CDH13: variants seen among roughly 807,000 people sequenced by gnomAD.
CDH13 encodes cadherin-13.
CDH13 carries 24 observed loss-of-function variants against 63.8 expected under a neutral mutation model. The observed-to-expected ratio is 0.38, with a 90% confidence interval of 0.27 to 0.53. CDH13 has a LOEUF of 0.53. Ranked by LOEUF, CDH13 falls within the 20% of genes least tolerant of loss-of-function variation. The pLI, the probability that CDH13 is intolerant of heterozygous loss-of-function variation, is 0.85. For synonymous variants in CDH13, 503 were observed against 355.3 expected, an observed-to-expected ratio of 1.42 and a Z score of -4.67; for missense variants, 1,049 against 903.1, an observed-to-expected ratio of 1.16 and a Z score of -2.07.
At chr16:83,443,346 G>A (rs979587887) in intron 6 of CDH13, among the ~76,000 whole-genome samples, 4 of 152,174 alleles carry the variant, frequency 2.6e-5, no homozygotes, top group Admixed American at 6.5e-5. Context: ...TAAGGAGTGA[G>A]CTTGGAGCAC....
intron 8 of CDH13, among the ~76,000 whole-genome samples, chr16:83,651,179 C>T (rs375775192): frequency 1.3e-5 from 2 of 152,212 alleles, no homozygotes; most frequent in East Asian, 1.9e-4. Flanking sequence ...GTTTAGATAA[C>T]AAGGGGACTT....
intron 7 of CDH13, among the ~76,000 whole-genome samples, chr16:83,488,717 C>A (rs2151566786): frequency 6.6e-6 from 1 of 152,154 alleles, no homozygotes; most frequent in Non-Finnish European, 1.5e-5. Flanking sequence ...CTCCACTTCC[C>A]AGGTTGAAGC....
At chr16:82,646,606 G>C (rs1910124007) in intron 1 of CDH13, among the ~76,000 whole-genome samples, 2 of 152,204 alleles carry the variant, frequency 1.3e-5, no homozygotes, top group African/African-American at 4.8e-5. Context: ...AATATGGTTA[G>C]AAGCCATTTC....
chr16:83,188,505 A>G (rs2038596288), intron 4 of CDH13, among the ~76,000 whole-genome samples: 1 of 152,090 alleles, frequency 6.6e-6, no homozygotes, highest in African/African-American at 2.4e-5. Context: ...CTCGCTGCCC[A>G]TCTCCCAGAG....
chr16:83,104,804 A>G (rs894931799), intron 3 of CDH13, among the ~76,000 whole-genome samples: 3 of 152,210 alleles, frequency 2.0e-5, no homozygotes, highest in Non-Finnish European at 4.4e-5. Flanking sequence ...CAGCCATAAC[A>G]TTATGAAGCT....
At chr16:83,189,089 G>A (rs35037199) in intron 4 of CDH13, among the ~76,000 whole-genome samples, 12,553 of 152,230 alleles carry the variant, frequency 0.082, 588 homozygotes, top group South Asian at 0.12. Flanking sequence ...AAAGGAACTC[G>A]ATGCCCTGTT....
intron 2 of CDH13, among the ~76,000 whole-genome samples, chr16:82,940,347 C>T (rs1480298557): frequency 6.6e-6 from 1 of 152,066 alleles, no homozygotes; most frequent in African/African-American, 2.4e-5. Flanking sequence ...TAACAGTCAC[C>T]TCGGGGAGTA....
rs191786871 is a variant in CDH13 at position 82,833,095 on chromosome 16, C to T, written c.46-25267C>T. Among the ~76,000 whole-genome samples the T allele has an allele frequency of 2.3e-3, 350 of 152,334 alleles. 2 individuals are homozygous for T. Among genetic ancestry groups the T allele is most frequent in the Non-Finnish European group, 3.6e-3 (244 of 68,028 alleles). On this transcript the variant is annotated intron_variant, in intron 1 of 13. Transcript: ENST00000567109. ...GTGTTATGGTAACATTCCCAGATGG[C>T]AGACAGAAGGAGAGCCAATGTGAGA...
chr16:82,685,622 G>A (rs1914985169), intron 1 of CDH13, among the ~76,000 whole-genome samples: 1 of 151,968 alleles, frequency 6.6e-6, no homozygotes, highest in Admixed American at 6.6e-5. Context: ...ATGTGTGGAT[G>A]TGTGTGTGTG....
At chr16:83,375,077 C>G (rs776892563) in intron 6 of CDH13, among the ~76,000 whole-genome samples, 7 of 152,132 alleles carry the variant, frequency 4.6e-5, no homozygotes, top group Non-Finnish European at 1.0e-4. Flanking sequence ...CTTTAAGTTT[C>G]TTTAATTCTG....
chr16:83,138,030 A>T (rs1012368601), intron 4 of CDH13, among the ~76,000 whole-genome samples: 20 of 152,056 alleles, frequency 1.3e-4, no homozygotes, highest in African/African-American at 4.6e-4. Flanking sequence ...CGCTTGGCCC[A>T]CTTCTGCAAC....
At chr16:83,428,965 T>G (rs902895208) in intron 6 of CDH13, among the ~76,000 whole-genome samples, 1 of 152,254 alleles carries the variant, frequency 6.6e-6, no homozygotes, top group Non-Finnish European at 1.5e-5. Context: ...GTCATCACTT[T>G]CCCTGTCAAG....
At chr16:82,836,428 G>A (rs2038771534) in intron 1 of CDH13, among the ~76,000 whole-genome samples, 1 of 152,140 alleles carries the variant, frequency 6.6e-6, no homozygotes, top group African/African-American at 2.4e-5. Flanking sequence ...AGGATTACAG[G>A]CATGAGCCGC....
chr16:83,645,736 C>T (rs1911730571), intron 8 of CDH13, among the ~76,000 whole-genome samples: 2 of 151,788 alleles, frequency 1.3e-5, no homozygotes, highest in African/African-American at 4.8e-5. Context: ...GCAGGTGGCC[C>T]GTTCTTGGTG....
At chr16:83,536,105 T>G (rs564923139) in intron 7 of CDH13, among the ~76,000 whole-genome samples, 1 of 152,286 alleles carries the variant, frequency 6.6e-6, no homozygotes, top group Non-Finnish European at 1.5e-5. Flanking sequence ...GCATATGGCA[T>G]TTGGCATTAT....
chr16:82,627,065 C>T lies in CDH13; in HGVS notation c.-28C>T, dbSNP rs1567568354. ...GTGCAGCCGCGTGCATGAATGAAAACGCCGCCGGGCGCTTCTAGTCGGACA... is the reference window on the plus strand; with the variant it reads ...GTGCAGCCGCGTGCATGAATGAAAATGCCGCCGGGCGCTTCTAGTCGGACA... On this transcript the variant is annotated 5_prime_UTR_variant, in exon 1 of 14. In the 5' UTR this introduces an upstream ATG that the reference lacks. Transcript: ENST00000567109. 2.5e-6 allele frequency: 4 copies of T among 1,583,276 alleles called. No individual in the cohort carries two copies. Among genetic ancestry groups the T allele is most frequent in the Admixed American group, 1.8e-5 (1 of 56,006 alleles).
intron 1 of CDH13, among the ~76,000 whole-genome samples, chr16:82,821,725 T>C (rs893244266): frequency 6.6e-6 from 1 of 152,222 alleles, no homozygotes; most frequent in Admixed American, 6.5e-5. Flanking sequence ...ATGACCCTGT[T>C]TGGGGACTGG....
intron 5 of CDH13, among the ~76,000 whole-genome samples, chr16:83,227,346 T>C (rs1009609248): frequency 5.3e-4 from 81 of 152,262 alleles, no homozygotes; most frequent in African/African-American, 1.9e-3. Context: ...GCAGCAGCAG[T>C]TGGCACATGG....
chr16:83,435,131 C>T (rs1442008384), intron 6 of CDH13, among the ~76,000 whole-genome samples: 2 of 151,762 alleles, frequency 1.3e-5, no homozygotes, highest in African/African-American at 2.4e-5. Context: ...ACTGCAACCT[C>T]CACCTCCCCA....
Sources: allele counts gnomAD v4.1 joint callset (sites outside exome capture counted in the v4.1 genomes callset), GRCh38; gene constraint gnomAD v4.1.1; transcripts MANE v1.5; gene names NCBI Gene and HGNC (gene_info 2026-07-23, HGNC 2026-07-21).